PADI6: variants seen among roughly 807,000 people sequenced by gnomAD.
PADI6 encodes the protein inactive protein-arginine deiminase type-6.
Under a neutral mutation model 78.2 loss-of-function variants are expected in PADI6, and 66 were observed. The observed-to-expected ratio is 0.84, with a 90% CI of 0.69 to 1.04. PADI6 has a LOEUF of 1.04. Among genes scored for constraint, PADI6 ranks in the 50% least tolerant of loss-of-function variants. PADI6 has a pLI of 0.00. For missense variants in PADI6, 854 were observed against 866.1 expected, an observed-to-expected ratio of 0.99 and a Z score of 0.18; for synonymous variants, 397 against 346.9, an observed-to-expected ratio of 1.14 and a Z score of -1.60.
rs376525424 is a variant in PADI6, at chr1:17,372,234, G to A, written c.-12G>A. On this transcript the variant is annotated 5_prime_UTR_variant, in exon 1 of 16. Transcript: ENST00000619609. The stretch of plus-strand genomic sequence containing the variant: ...TGCTGTGCTGAGTGAGGGCTGCGGT[G>A]CAGGCCTGAGGATGGTCAGCGTGGA... 9.9e-5 allele frequency: 159 copies of A among 1,612,296 alleles called. No homozygotes were observed. The highest frequency in any genetic ancestry group is 1.3e-4 in the Non-Finnish European group (154 of 1,178,430).
At chr1:17,386,904 G>T (rs973823886) in intron 6 of PADI6, among the ~76,000 whole-genome samples, 22 of 152,254 alleles carry the variant, frequency 1.4e-4, no homozygotes, top group African/African-American at 4.3e-4. Flanking sequence ...AGGAGCTGGA[G>T]ATGGAGGCAG....
chr1:17,388,282 C>A, intron 6 of PADI6, 99 bp from the exon 7 acceptor site: 1 of 1,161,702 alleles, frequency 8.6e-7, no homozygotes, highest in Non-Finnish European at 1.2e-6. Context: ...AACTCACAGC[C>A]TTGCATCTGA....
chr1:17,399,595 C>CT (rs1380791870), intron 15 of PADI6, among the ~76,000 whole-genome samples: 1 of 150,730 alleles, frequency 6.6e-6, no homozygotes, highest in Non-Finnish European at 1.5e-5. Flanking sequence ...AACTCCGTCT[C>CT]TAATATTTAT....
At position 17,381,132 on chromosome 1, in the gene PADI6, A is replaced by T; in HGVS notation, c.521A>T (p.Asp174Val). ...GCTGATGTGGGCCAGCAACTTGAGGACAAGAAAACCAAGAAAGTGATCTTT... is the reference window on the plus strand; with the variant it reads ...GCTGATGTGGGCCAGCAACTTGAGGTCAAGAAAACCAAGAAAGTGATCTTT... The part of the protein sequence containing the change: ...NPADVGQQLE[D>V]KKTKKVIFSE... The change falls in exon 5 of 16, where the codon GAC (aspartate) becomes GTC (valine). Residue 174 changes from aspartate to valine, a missense_variant. Physicochemically the swap from Asp to Val is radical, Grantham distance 152. Transcript: ENST00000619609. 1 of 1,609,026 alleles carries T rather than the reference A, an allele frequency of 6.2e-7. No individual in the cohort carries two copies. Among genetic ancestry groups the T allele is most frequent in the Non-Finnish European group, 8.5e-7 (1 of 1,177,832 alleles).
intron 2 of PADI6, among the ~76,000 whole-genome samples, chr1:17,374,024 T>TG (rs1313849538): frequency 2.0e-5 from 3 of 152,036 alleles, no homozygotes; most frequent in Non-Finnish European, 2.9e-5. Flanking sequence ...TGAGAACCAC[T>TG]GGGGAGCTAA....
In PADI6 at chr1:17,392,961, T is replaced by C. The variant is rs1047996601; in HGVS notation, c.1074+736T>C. On this transcript the variant is annotated intron_variant, in intron 9 of 15. Transcript: ENST00000619609. ...GAGTTTTAAAACAGCCTGGAAAACA[T>C]GGCAAAATACTGTCTCTACTAAAAA... is the stretch of plus-strand genomic sequence containing the variant. Among the ~76,000 whole-genome samples the C allele has an allele frequency of 2.0e-5, 3 of 151,950 alleles. No individual in the cohort carries two copies. In the East Asian group the frequency reaches 5.8e-4, roughly 29 times the overall value.
chr1:17,374,945 A>G (rs540400539), intron 2 of PADI6, among the ~76,000 whole-genome samples: 11 of 152,198 alleles, frequency 7.2e-5, no homozygotes, highest in African/African-American at 2.2e-4. Context: ...CTGAGTCCCA[A>G]CGCTGCTTCT....
chr1:17,388,761 C>G lies in PADI6; in HGVS notation c.859-16C>G. The G allele has an allele frequency of 6.2e-7, 1 of 1,609,920 alleles. No individual in the cohort carries two copies. Among genetic ancestry groups the G allele is most frequent in the Non-Finnish European group, 8.5e-7 (1 of 1,177,512 alleles). On this transcript the variant is annotated splice_polypyrimidine_tract_variant and intron_variant, in intron 7 of 15. Transcript: ENST00000619609. ...ATGTGGAAGCAGGTTGCTAACAGGA[C>G]CTTGTCTTGTTGCAGTCAATTCCAG... is the stretch of plus-strand genomic sequence containing the variant.
chr1:17,379,414 G>A (rs914291963), intron 3 of PADI6, among the ~76,000 whole-genome samples: 14 of 151,904 alleles, frequency 9.2e-5, no homozygotes, highest in South Asian at 4.1e-4. Flanking sequence ...GCGCCCGGCC[G>A]CCCAGTTAAT....
chr1:17,392,750 C>A (rs1557606457), intron 9 of PADI6, among the ~76,000 whole-genome samples: 1 of 152,194 alleles, frequency 6.6e-6, no homozygotes, highest in Non-Finnish European at 1.5e-5. Context: ...TACAGTGATT[C>A]ATTAGACCAA....
At chr1:17,391,886 T>C (rs571498927) in intron 8 of PADI6, among the ~76,000 whole-genome samples, 99 of 152,352 alleles carry the variant, frequency 6.5e-4, no homozygotes, top group African/African-American at 2.4e-3. Flanking sequence ...CCACTGGCAC[T>C]TCCCAACCTG....
intron 8 of PADI6, 38 bp from the exon 9 acceptor site, chr1:17,392,076 C>A: frequency 6.5e-7 from 1 of 1,529,954 alleles, no homozygotes; most frequent in Admixed American, 2.0e-5. Flanking sequence ...AAGGGACCTT[C>A]GAAAGCCTTC....
intron 5 of PADI6, 36 bp downstream of exon 5, chr1:17,381,200 G>A: frequency 6.6e-7 from 1 of 1,521,438 alleles, no homozygotes; most frequent in South Asian, 1.2e-5. Flanking sequence ...TTCCTTCTTG[G>A]TCTCTTTGCT....
chr1:17,375,670 A>G (rs1327756640), intron 3 of PADI6, among the ~76,000 whole-genome samples, 171 bp downstream of exon 3: 2 of 152,172 alleles, frequency 1.3e-5, no homozygotes, highest in Admixed American at 1.3e-4. Flanking sequence ...ATACCCACTC[A>G]CACACTCCCT....
intron 9 of PADI6, among the ~76,000 whole-genome samples, chr1:17,393,113 T>C (rs1232139585): frequency 6.6e-6 from 1 of 151,800 alleles, no homozygotes; most frequent in African/African-American, 2.4e-5. Context: ...GCCACTACAC[T>C]CCAGCCTGGA....
At chr1:17,374,220 A>G (rs1204866) in intron 2 of PADI6, among the ~76,000 whole-genome samples, 42,231 of 151,698 alleles carry the variant, frequency 0.28, 6,926 homozygotes, top group African/African-American at 0.46. Context: ...CCCACACCCT[A>G]CAGGACCTAC....
chr1:17,388,931 C>T (rs1314283048), intron 8 of PADI6, 51 bp downstream of exon 8: 2 of 1,417,716 alleles, frequency 1.4e-6, no homozygotes, highest in Non-Finnish European at 2.0e-6. Context: ...AACTGGCACC[C>T]TCTTCTTTCT....
intron 9 of PADI6, among the ~76,000 whole-genome samples, chr1:17,393,580 G>T (rs894391383): frequency 1.3e-5 from 2 of 152,128 alleles, no homozygotes; most frequent in African/African-American, 4.8e-5. Context: ...CAGCTCCACT[G>T]CAGCCTCTGC....
chr1:17,375,202 T>C (rs1476319146), intron 2 of PADI6, among the ~76,000 whole-genome samples: 1 of 152,080 alleles, frequency 6.6e-6, no homozygotes, highest in Non-Finnish European at 1.5e-5. Context: ...CAAGCCTGGC[T>C]CTCGACAAGG....
Sources: gnomAD v4.1 joint callset for allele counts (sites outside exome capture counted in the v4.1 genomes callset) on GRCh38, gnomAD v4.1.1 for gene constraint, MANE v1.5 for transcripts, NCBI Gene and HGNC (gene_info 2026-07-23, HGNC 2026-07-21) for gene names.